GPC6: variants seen among roughly 807,000 people sequenced by gnomAD.
GPC6 encodes the protein glypican-6.
In GPC6, 14 loss-of-function variants were observed where a neutral mutation model predicts 55.2. The ratio of observed to expected loss-of-function variants is 0.25; its 90% CI spans 0.17 to 0.40. The LOEUF is 0.40. Ranked by LOEUF, GPC6 falls within the 10% of genes least tolerant of loss-of-function variation. The pLI is 1.00. For missense variants in GPC6, 641 were observed against 708.5 expected, an observed-to-expected ratio of 0.90 and a Z score of 1.08; for synonymous variants, 278 against 259.6, an observed-to-expected ratio of 1.07 and a Z score of -0.68.
At chr13:93,923,709 TTAAA>T (rs1877697208) in intron 3 of GPC6, among the ~76,000 whole-genome samples, 2 of 152,220 alleles carry the variant, frequency 1.3e-5, no homozygotes. Flanking sequence ...GAAGATTGGT[TTAAA>T]TAACCCATGG....
chr13:94,268,329 C>T (rs1891879275), intron 4 of GPC6, among the ~76,000 whole-genome samples: 1 of 152,120 alleles, frequency 6.6e-6, no homozygotes, highest in Non-Finnish European at 1.5e-5. Context: ...AGATATAATT[C>T]CTTTCTAGAA....
Position 93,383,481 on chromosome 13 carries a change from T to G in GPC6, c.160+155865T>G, listed in dbSNP as rs571618385. ...ATCCTCCGGCCTTGCCCTCCTAAAA[T>G]GTTGGGATTACAGGCGTGACCCATT... On this transcript the variant is annotated intron_variant, in intron 1 of 8. Coordinates refer to ENST00000377047, the MANE Select transcript of GPC6 (RefSeq NM_005708.5). Among the ~76,000 whole-genome samples, 10 of 152,286 alleles carry G rather than the reference T, an allele frequency of 6.6e-5. No homozygotes were observed. In the East Asian group the frequency reaches 1.9e-3, roughly 29 times the overall value.
intron 2 of GPC6, among the ~76,000 whole-genome samples, chr13:93,740,465 G>T (rs1884162278): frequency 6.6e-6 from 1 of 152,314 alleles, no homozygotes; most frequent in East Asian, 1.9e-4. Flanking sequence ...AAGAAGCATT[G>T]TTCTGTAATT....
intron 1 of GPC6, among the ~76,000 whole-genome samples, chr13:93,267,065 GAGTAATGAT>G (rs1270763716): frequency 6.6e-6 from 1 of 152,136 alleles, no homozygotes; most frequent in Non-Finnish European, 1.5e-5. Context: ...AATTAAGCAG[GAGTAATGAT>G]AGTTCACTAA....
intron 2 of GPC6, among the ~76,000 whole-genome samples, chr13:93,773,377 G>A (rs1274589655): frequency 6.6e-6 from 1 of 152,090 alleles, no homozygotes; most frequent in Non-Finnish European, 1.5e-5. Flanking sequence ...AGACCCCATT[G>A]AGACATATCC....
intron 1 of GPC6, among the ~76,000 whole-genome samples, chr13:93,532,611 C>T (rs1881910909): frequency 2.0e-5 from 3 of 152,112 alleles, no homozygotes; most frequent in Admixed American, 1.3e-4. Context: ...CTTTGCCTTC[C>T]CACACTGCCC....
At chr13:93,245,991 A>C (rs974339659) in intron 1 of GPC6, among the ~76,000 whole-genome samples, 1 of 152,060 alleles carries the variant, frequency 6.6e-6, no homozygotes, top group Non-Finnish European at 1.5e-5. Flanking sequence ...ACAGGATCCT[A>C]TTTTTCTTAC....
intron 1 of GPC6, among the ~76,000 whole-genome samples, chr13:93,268,672 G>A (rs1429595818): frequency 2.0e-5 from 3 of 152,044 alleles, no homozygotes; most frequent in Non-Finnish European, 4.4e-5. Flanking sequence ...GGACTTCTTT[G>A]GAAGCACGTG....
intron 1 of GPC6, among the ~76,000 whole-genome samples, chr13:93,341,193 C>A (rs541871321): frequency 1.3e-5 from 2 of 152,110 alleles, no homozygotes; most frequent in Non-Finnish European, 2.9e-5. Context: ...TTTACAATTG[C>A]GAATTGTGTG....
chr13:93,475,044 G>A (rs1230005341), intron 1 of GPC6, among the ~76,000 whole-genome samples: 2 of 152,116 alleles, frequency 1.3e-5, no homozygotes, highest in African/African-American at 4.8e-5. Flanking sequence ...TACTCAGGAG[G>A]CTGTGGCCAG....
intron 2 of GPC6, among the ~76,000 whole-genome samples, chr13:93,744,001 A>T (rs1300944748): frequency 6.6e-6 from 1 of 152,190 alleles, no homozygotes; most frequent in Non-Finnish European, 1.5e-5. Flanking sequence ...TTTTGTATAT[A>T]TTGAATTTTG....
chr13:93,472,493 G>A (rs560052253), intron 1 of GPC6, among the ~76,000 whole-genome samples: 13 of 152,294 alleles, frequency 8.5e-5, no homozygotes, highest in Admixed American at 1.3e-4. Context: ...CATGGGCGCC[G>A]GCTCTCCAAG....
intron 2 of GPC6, among the ~76,000 whole-genome samples, chr13:93,572,941 A>T (rs915564483): frequency 2.0e-5 from 3 of 152,210 alleles, no homozygotes; most frequent in African/African-American, 7.2e-5. Context: ...GAAAGATAGC[A>T]GGTCAGTTAA....
At chr13:93,472,344 A>G (rs1350807053) in intron 1 of GPC6, among the ~76,000 whole-genome samples, 1 of 152,138 alleles carries the variant, frequency 6.6e-6, no homozygotes, top group African/African-American at 2.4e-5. Context: ...TGCTATTGGT[A>G]TGGATCACAT....
chr13:93,443,363 G>C (rs1228531123), intron 1 of GPC6, among the ~76,000 whole-genome samples: 1 of 152,128 alleles, frequency 6.6e-6, no homozygotes, highest in Non-Finnish European at 1.5e-5. Context: ...CCAAATGATA[G>C]CAAAATAAGT....
intron 4 of GPC6, among the ~76,000 whole-genome samples, chr13:94,054,323 C>A (rs1275162645): frequency 6.6e-6 from 1 of 152,182 alleles, no homozygotes; most frequent in African/African-American, 2.4e-5. Flanking sequence ...AGCCTCTGTG[C>A]CAGCAGAGCT....
At chr13:93,837,083 T>C (rs1408043124) in intron 3 of GPC6, among the ~76,000 whole-genome samples, 5 of 152,182 alleles carry the variant, frequency 3.3e-5, no homozygotes, top group Non-Finnish European at 7.4e-5. Flanking sequence ...ATATGGAAGA[T>C]TGTTAAGAAG....
chr13:94,167,696 A>C (rs1352487310), intron 4 of GPC6, among the ~76,000 whole-genome samples: 1 of 152,160 alleles, frequency 6.6e-6, no homozygotes, highest in Non-Finnish European at 1.5e-5. Context: ...TGGAAATATG[A>C]GAAGGGCTGG....
chr13:93,217,926 C>T, the GPC6 span, among the ~76,000 whole-genome samples: 21 of 152,132 alleles, frequency 1.4e-4, no homozygotes, highest in East Asian at 3.9e-3. Context: ...AGACAGTTTA[C>T]CAATTAAAAG....
Sources: allele counts gnomAD v4.1 joint callset (sites outside exome capture counted in the v4.1 genomes callset), GRCh38; gene constraint gnomAD v4.1.1; transcripts MANE v1.5; gene names NCBI Gene and HGNC (gene_info 2026-07-23, HGNC 2026-07-21).